The following F8 variants were observed in gnomAD, a reference collection of about 807,000 sequenced individuals.
The protein encoded by F8 is antihemophilic factor.
F8 carries 12 observed loss-of-function variants against 140.6 expected under a neutral mutation model. The observed-to-expected ratio is 0.09, with a 90% confidence interval of 0.05 to 0.14. The LOEUF (loss-of-function observed/expected upper bound fraction) is 0.14, where lower values mean the gene tolerates loss of function less well. F8 is among the 10% of genes least tolerant of loss of function. The probability of loss-of-function intolerance (pLI) is 1.00; values close to 1 mark genes in which losing one functional copy is unlikely to be tolerated. For missense variants in F8, 1,354 were observed against 1,720.7 expected (o/e 0.79, Z 3.77); for synonymous variants, 585 against 614.6 (o/e 0.95, Z 0.71).
chrX:154,933,490 T>C (rs1311589993), intron 13 of F8, among the ~76,000 whole-genome samples: 1 of 112,216 alleles, frequency 8.9e-6, no homozygotes, highest in African/African-American at 3.2e-5. Context: ...ATCTTGGAAC[T>C]AGTTACTAGC....
intron 7 of F8, among the ~76,000 whole-genome samples, chrX:154,968,672 T>C (rs1412146580): frequency 9.0e-6 from 1 of 111,699 alleles, no homozygotes; most frequent in African/African-American, 3.3e-5. Flanking sequence ...CACAGAACCT[T>C]TGACCCTTTC....
rs57253105 is a variant in F8, at chrX:154,896,506, TAC to T, written c.6274-276_6274-275del. Among the ~76,000 whole-genome samples the T allele has an allele frequency of 0.099, 9,750 of 98,365 alleles. 1,020 individuals are homozygous for T. Among genetic ancestry groups the T allele is most frequent in the African/African-American group, 0.31 (8,282 of 27,090 alleles). The allele number at this position is 98,365 out of a possible 115,157, so 85.4% of individuals were successfully genotyped here. A position where few individuals can be genotyped will look rare whatever the true frequency, so the allele number is the denominator to read the frequency against. On this transcript the variant is annotated intron_variant, in intron 21 of 25. Coordinates refer to ENST00000360256, the MANE Select transcript of F8 (RefSeq NM_000132.4). Reference sequence around the variant, plus strand: ...ACCAAATCATTGAGCCCCCATTTCGTACACACACACACACACACACACACACA... The same window carrying T: ...ACCAAATCATTGAGCCCCCATTTCGTACACACACACACACACACACACACA...
rs1379798694 is a variant in F8 at position 155,010,826 on chromosome X, C to A, written c.144-11226G>T. The stretch of plus-strand genomic sequence containing the variant: ...GGGCCTCTACTTTCAAGGTCACTAA[C>A]ATTGCTCATCTGCAGGCTATATAGG... On this transcript the variant is annotated intron_variant, in intron 1 of 25. Transcript: ENST00000360256. Among the ~76,000 whole-genome samples, 4 of 111,666 alleles carry A rather than the reference C, an allele frequency of 3.6e-5. No individual in the cohort carries two copies. In the East Asian group the frequency reaches 1.1e-3, roughly 31 times the overall value.
intron 20 of F8, among the ~76,000 whole-genome samples, chrX:154,900,306 T>C (rs1410354268): frequency 9.0e-6 from 1 of 111,269 alleles, no homozygotes; most frequent in Non-Finnish European, 1.9e-5. Flanking sequence ...TGATCTTGGC[T>C]CACTGCAACC....
intron 2 of F8, 73 bp from the exon 3 acceptor site, chrX:154,997,168 G>C: frequency 8.8e-7 from 1 of 1,137,512 alleles, no homozygotes; most frequent in East Asian, 3.0e-5. Context: ...CCAAAAGTTA[G>C]AGTCAAGGTC....
At chrX:154,913,585 C>T (rs2073079155) in intron 14 of F8, among the ~76,000 whole-genome samples, 2 of 112,832 alleles carry the variant, frequency 1.8e-5, no homozygotes, top group Non-Finnish European at 3.8e-5. Context: ...GGTAAATACA[C>T]TCATTCCAAA....
intron 12 of F8, among the ~76,000 whole-genome samples, chrX:154,950,030 G>A (rs1441799189): frequency 3.6e-5 from 4 of 111,851 alleles, no homozygotes; most frequent in African/African-American, 1.3e-4. Flanking sequence ...CTCCCAAAAT[G>A]CTGGGATTAC....
chrX:154,858,344 A>G (rs1557272584), intron 25 of F8, among the ~76,000 whole-genome samples: 1 of 112,431 alleles, frequency 8.9e-6, no homozygotes, highest in Non-Finnish European at 1.9e-5. Flanking sequence ...TGCCAGCAGT[A>G]GAGACAAACA....
Position 154,966,052 on chromosome X carries a change from G to T in F8, c.1361C>A (p.Thr454Asn), listed in dbSNP as rs1557281952. The change falls in exon 9 of 26, where the codon ACC (threonine) becomes AAC (asparagine). Residue 454 changes from threonine to asparagine, a missense_variant. By Grantham distance (65) the Thr-to-Asn change is moderately conservative (BLOSUM62 0). This residue lies in a region of F8 where 252 missense variants were observed against 338.5 expected (regional missense o/e 0.74). Coordinates refer to ENST00000360256, the MANE Select transcript of F8 (RefSeq NM_000132.4). Reference sequence around the variant, plus strand: ...CTGAATAGCTTCACGAGTCTTAAAGGTTTCATCTGTGTATGCCATAAATCG... The same window carrying T: ...CTGAATAGCTTCACGAGTCTTAAAGTTTTCATCTGTGTATGCCATAAATCG... ...KVRFMAYTDE[T>N]FKTREAIQHE... 8.3e-7 allele frequency: 1 copy of T among 1,209,969 alleles called. No homozygotes were observed. The highest frequency in any genetic ancestry group is 2.2e-5 in the Admixed American group (1 of 45,967).
intron 13 of F8, among the ~76,000 whole-genome samples, chrX:154,939,212 C>T (rs112696824): frequency 4.5e-5 from 5 of 111,909 alleles, no homozygotes; most frequent in African/African-American, 1.3e-4. Flanking sequence ...CGAAGCAGGG[C>T]GAGGCATCGC....
chrX:155,017,243 C>T (rs782791636), intron 1 of F8, among the ~76,000 whole-genome samples: 34 of 112,418 alleles, frequency 3.0e-4, no homozygotes, highest in African/African-American at 1.0e-3. Context: ...GCAGATTCTC[C>T]CCAAGAGCTT....
rs782219165 is a variant in F8 at position 154,929,991 on chromosome X, G to T, written c.3799C>A (p.Leu1267Ile). The change falls in exon 14 of 26, where the codon CTT becomes ATT. Residue 1267 changes from leucine to isoleucine, a missense_variant. By Grantham distance (5) the Leu-to-Ile change is conservative. Around this residue, in one of 4 missense-constraint regions of F8, gnomAD observed 658 missense variants for 666.5 expected, o/e 0.99. Coordinates refer to ENST00000360256, the MANE Select transcript of F8 (RefSeq NM_000132.4). ...TCATTTAATGACCTAAAATCTTGAAGTACTGGAGCATATGCCCCGTCATAT... is the reference window on the plus strand; with the variant it reads ...TCATTTAATGACCTAAAATCTTGAATTACTGGAGCATATGCCCCGTCATAT... ...GSYDGAYAPV[L>I]QDFRSLNDST... 1.2e-5 allele frequency: 15 copies of T among 1,210,559 alleles called. No individual in the cohort carries two copies. The highest frequency in any genetic ancestry group is 1.7e-5 in the Non-Finnish European group (15 of 894,698).
chrX:154,982,410 T>G (rs1195513215), intron 6 of F8, among the ~76,000 whole-genome samples: 13 of 93,126 alleles, frequency 1.4e-4, no homozygotes, highest in Non-Finnish European at 4.1e-5. Context: ...ATTGCGCCAC[T>G]GCACTCCAGC....
intron 15 of F8, 29 bp from the exon 16 acceptor site, chrX:154,905,052 A>C (rs782539093): frequency 9.2e-7 from 1 of 1,082,624 alleles, no homozygotes. Flanking sequence ...AAAAAAAAAA[A>C]AGCAAGAATA....
chrX:154,924,179 C>A (rs1464833616), intron 14 of F8, among the ~76,000 whole-genome samples: 1 of 111,154 alleles, frequency 9.0e-6, no homozygotes, highest in East Asian at 2.8e-4. Context: ...TGAGAACAGA[C>A]TAATACAGTA....
At chrX:154,944,981 G>T (rs899594590) in intron 13 of F8, among the ~76,000 whole-genome samples, 27 of 109,985 alleles carry the variant, frequency 2.5e-4, no homozygotes, top group South Asian at 7.8e-4. Context: ...AGAACACATG[G>T]ACACAGGAAG....
chrX:154,941,104 C>T (rs782499144), intron 13 of F8, among the ~76,000 whole-genome samples: 65 of 112,021 alleles, frequency 5.8e-4, no homozygotes, highest in African/African-American at 2.1e-3. Context: ...GAAACTGAAT[C>T]AACTAACGAG....
chrX:154,839,465 C>G (rs782731959), intron 25 of F8, among the ~76,000 whole-genome samples: 3 of 108,635 alleles, frequency 2.8e-5, no homozygotes, highest in African/African-American at 1.0e-4. Context: ...CGGGTTCACG[C>G]CATTCTCCTG....
At chrX:154,855,107 G>A (rs1406387895) in intron 25 of F8, among the ~76,000 whole-genome samples, 2 of 111,801 alleles carry the variant, frequency 1.8e-5, no homozygotes, top group Admixed American at 9.5e-5. Context: ...GTGACAGAGC[G>A]AGACTCCATC....
Sources: allele counts gnomAD v4.1 joint callset (sites outside exome capture counted in the v4.1 genomes callset), GRCh38; gene constraint gnomAD v4.1.1; regional missense constraint gnomAD v4.1.1; transcripts MANE v1.5; gene names NCBI Gene and HGNC (gene_info 2026-07-23, HGNC 2026-07-21).